The following FBXO21 variants were observed in gnomAD, a reference collection of about 807,000 sequenced individuals.
The protein encoded by FBXO21 is F-box protein 21, also known as F-box only protein 21.
In FBXO21, 32 loss-of-function variants were observed where a neutral mutation model predicts 76.6. The ratio of observed to expected loss-of-function variants is 0.42; its 90% CI spans 0.32 to 0.56. FBXO21 has a LOEUF of 0.56. FBXO21 is among the 20% of genes least tolerant of loss of function. The pLI is 0.16. For missense variants in FBXO21, 586 were observed against 797.3 expected, an observed-to-expected ratio of 0.73 and a Z score of 3.19; for synonymous variants, 328 against 311.5, an observed-to-expected ratio of 1.05 and a Z score of -0.56.
chr12:117,163,501 C>A (rs1423824463), intron 9 of FBXO21, among the ~76,000 whole-genome samples: 2 of 152,008 alleles, frequency 1.3e-5, no homozygotes, highest in Non-Finnish European at 2.9e-5. Flanking sequence ...CCACTGCACT[C>A]CAGCCTGGGC....
At chr12:117,158,318 T>C (rs77422379) in intron 9 of FBXO21, among the ~76,000 whole-genome samples, 9,655 of 152,024 alleles carry the variant, frequency 0.064, 1,026 homozygotes, top group African/African-American at 0.22. Context: ...ATTCAACCAG[T>C]GTCAACCTGA....
rs1468075567 is a variant in FBXO21 at position 117,143,914 on chromosome 12, C to T, written c.*2173G>A. 1 of 152,578 alleles carries T rather than the reference C, an allele frequency of 6.6e-6. No individual in the cohort carries two copies. Among genetic ancestry groups the T allele is most frequent in the East Asian group, 1.9e-4 (1 of 5,200 alleles). 9.5% of individuals were successfully genotyped at this position (152,578 alleles called of 1,614,324 possible). ...TGAAAGTTCAACGTTTATAACAGGG[C>T]TTTTTAAAATGGAGAAAAGTTTTGG... On this transcript the variant is annotated 3_prime_UTR_variant, in exon 12 of 12. Coordinates refer to ENST00000622495, the MANE Select transcript of FBXO21 (RefSeq NM_015002.3).
intron 2 of FBXO21, among the ~76,000 whole-genome samples, chr12:117,187,973 C>T (rs1176112993): frequency 6.6e-6 from 1 of 152,190 alleles, no homozygotes; most frequent in Non-Finnish European, 1.5e-5. Context: ...TTGTATTCTC[C>T]ATAGGGGAAA....
intron 2 of FBXO21, chr12:117,188,828 G>A (rs1592901456): frequency 1.0e-5 from 2 of 193,312 alleles, no homozygotes; most frequent in East Asian, 2.4e-4. Context: ...CATTAATTTC[G>A]TCAACCCTTC....
chr12:117,166,857 A>G lies in FBXO21; in HGVS notation c.1193+41T>C, dbSNP rs756662301. 1.6e-5 allele frequency: 25 copies of G among 1,570,264 alleles called. 1 individual carries two copies. In the South Asian group the frequency reaches 1.7e-4, roughly 10 times the overall value. On this transcript the variant is annotated intron_variant, in intron 8 of 11. Coordinates refer to ENST00000622495, the MANE Select transcript of FBXO21 (RefSeq NM_015002.3). ...AAACACAATTCAAGCCTCTAAAGAC[A>G]TGTGCTCTGCAGAAGTACTAGAAAA... is the stretch of plus-strand genomic sequence containing the variant.
At chr12:117,151,204 T>G (rs1354816348) in intron 11 of FBXO21, among the ~76,000 whole-genome samples, 1 of 152,002 alleles carries the variant, frequency 6.6e-6, no homozygotes, top group Non-Finnish European at 1.5e-5. Flanking sequence ...TGACCTAGAC[T>G]CGGAGCTTCC....
At chr12:117,162,927 A>G (rs1178564702) in intron 9 of FBXO21, among the ~76,000 whole-genome samples, 1 of 152,114 alleles carries the variant, frequency 6.6e-6, no homozygotes, top group East Asian at 1.9e-4. Context: ...TCATTTTTCA[A>G]GGTCACACCT....
At chr12:117,156,029 A>C in intron 10 of FBXO21, 81 bp from the exon 11 acceptor site, 277 of 1,344,042 alleles carry the variant, frequency 2.1e-4, no homozygotes, top group Non-Finnish European at 2.7e-4. Context: ...TTCTCAGCTC[A>C]CATCCTCAGT....
chr12:117,173,445 T>C (rs1956138082), intron 6 of FBXO21, among the ~76,000 whole-genome samples: 1 of 152,148 alleles, frequency 6.6e-6, no homozygotes, highest in African/African-American at 2.4e-5. Context: ...GTGTGTACGA[T>C]ATAACAAAAT....
intron 11 of FBXO21, among the ~76,000 whole-genome samples, chr12:117,151,356 T>A (rs1293805427): frequency 6.6e-6 from 1 of 151,960 alleles, no homozygotes; most frequent in Non-Finnish European, 1.5e-5. Flanking sequence ...GGTGAGAGAG[T>A]ACACACCGGG....
intron 2 of FBXO21, 90 bp downstream of exon 2, chr12:117,189,137 A>T (rs768359631): frequency 1.4e-6 from 2 of 1,429,398 alleles, no homozygotes; most frequent in Non-Finnish European, 2.0e-6. Context: ...GAAAAGGGAG[A>T]TACGAAAAGA....
rs1459970363 is a variant in FBXO21, at chr12:117,143,258, C to T, written c.*2829G>A. On this transcript the variant is annotated 3_prime_UTR_variant, in exon 12 of 12. Transcript: ENST00000622495. The stretch of plus-strand genomic sequence containing the variant: ...CAGGGTTTCATATATCAAGATGACA[C>T]ACCCGCTGCACACTTCTCTTAGAAA... The T allele has an allele frequency of 6.6e-6, 1 of 152,172 alleles. No homozygotes were observed. The highest frequency in any genetic ancestry group is 1.5e-5 in the Non-Finnish European group (1 of 68,040). 9.4% of individuals were successfully genotyped at this position (152,172 alleles called of 1,614,324 possible). A position where few individuals can be genotyped will look rare whatever the true frequency, so the allele number is the denominator to read the frequency against.
intron 3 of FBXO21, among the ~76,000 whole-genome samples, chr12:117,180,891 C>T (rs975561022): frequency 2.0e-5 from 3 of 152,124 alleles, no homozygotes; most frequent in African/African-American, 7.2e-5. Context: ...CCTCAGCCTC[C>T]CAAAGTGCTG....
intron 11 of FBXO21, among the ~76,000 whole-genome samples, chr12:117,147,835 C>T (rs1489224913): frequency 2.6e-5 from 4 of 152,222 alleles, no homozygotes; most frequent in Non-Finnish European, 5.9e-5. Context: ...CTGGGCTGGG[C>T]AGATCCTCCT....
Position 117,143,156 on chromosome 12 carries a change from C to T in FBXO21, c.*2931G>A, listed in dbSNP as rs1955733096. 1.3e-5 allele frequency: 2 copies of T among 152,204 alleles called. No homozygotes were observed. Among genetic ancestry groups the T allele is most frequent in the South Asian group, 4.1e-4 (2 of 4,838 alleles). The allele number at this position is 152,204 out of a possible 1,614,324, so 9.4% of individuals were successfully genotyped here. A position where few individuals can be genotyped will look rare whatever the true frequency, so the allele number is the denominator to read the frequency against. On this transcript the variant is annotated 3_prime_UTR_variant, in exon 12 of 12. Coordinates refer to ENST00000622495, the MANE Select transcript of FBXO21 (RefSeq NM_015002.3). ...CATTTTGGACATAACTGATGTCTCA[C>T]TGAGACAGCTTTTCAAAGCATGTCT...
intron 11 of FBXO21, among the ~76,000 whole-genome samples, chr12:117,148,767 G>A (rs1955807217): frequency 6.6e-6 from 1 of 152,190 alleles, no homozygotes; most frequent in Non-Finnish European, 1.5e-5. Context: ...CAGCAGGCGG[G>A]GAGGGGCTGG....
chr12:117,171,857 A>G (rs1956121361), intron 7 of FBXO21, among the ~76,000 whole-genome samples: 1 of 152,224 alleles, frequency 6.6e-6, no homozygotes, highest in African/African-American at 2.4e-5. Flanking sequence ...AAGCTAGACT[A>G]TAACTGAAAA....
intron 10 of FBXO21, among the ~76,000 whole-genome samples, chr12:117,157,057 C>T (rs1047036588): frequency 2.6e-5 from 4 of 151,938 alleles, no homozygotes; most frequent in Admixed American, 1.3e-4. Flanking sequence ...GTGGTGTGCG[C>T]CTGTAGTCCC....
At chr12:117,168,825 A>G (rs1277453129) in intron 7 of FBXO21, among the ~76,000 whole-genome samples, 1 of 152,254 alleles carries the variant, frequency 6.6e-6, no homozygotes. Flanking sequence ...ATTTTGTAAC[A>G]GATGCTAAGG....
Sources: allele counts gnomAD v4.1 joint callset (sites outside exome capture counted in the v4.1 genomes callset), GRCh38; gene constraint gnomAD v4.1.1; transcripts MANE v1.5; gene names NCBI Gene and HGNC (gene_info 2026-07-23, HGNC 2026-07-21).